NEDD4L: variants seen among roughly 807,000 people sequenced by gnomAD.
NEDD4L encodes the protein E3 ubiquitin-protein ligase NEDD4-like.
In NEDD4L, 54 loss-of-function variants were observed where a neutral mutation model predicts 148.9. The observed-to-expected ratio is 0.36, with a 90% confidence interval of 0.29 to 0.45. The LOEUF (loss-of-function observed/expected upper bound fraction) is 0.45, where lower values mean the gene tolerates loss of function less well. NEDD4L is among the 20% of genes least tolerant of loss of function. NEDD4L has a pLI of 1.00. For missense variants in NEDD4L, 856 were observed against 1,233.8 expected (o/e 0.69, Z 4.59); for synonymous variants, 433 against 440.7 (o/e 0.98, Z 0.22).
In NEDD4L at chr18:58,117,601, C is replaced by T. The variant is rs143698810; in HGVS notation, c.49-48187C>T. On this transcript the variant is annotated intron_variant, in intron 1 of 30. Transcript: ENST00000400345. Reference sequence around the variant, plus strand: ...TGTTCGAAATGTAGCAAACGTGGCTCACGGTTACCCTGACGGGGCCAGAGC... The same window carrying T: ...TGTTCGAAATGTAGCAAACGTGGCTTACGGTTACCCTGACGGGGCCAGAGC... Among the ~76,000 whole-genome samples, 231 of 152,304 alleles carry T rather than the reference C, an allele frequency of 1.5e-3. 4 individuals carry two copies. The highest frequency in any genetic ancestry group is 6.8e-3 in the Middle Eastern group (2 of 294).
At chr18:58,085,933 T>G (rs79562463) in intron 1 of NEDD4L, among the ~76,000 whole-genome samples, 11,658 of 152,280 alleles carry the variant, frequency 0.077, 544 homozygotes, top group East Asian at 0.17. Flanking sequence ...TGTAACAGAT[T>G]TTACAGCTGG....
At chr18:58,388,839 T>C (rs913127966) in intron 27 of NEDD4L, 9 of 512,570 alleles carry the variant, frequency 1.8e-5, no homozygotes, top group East Asian at 3.5e-5. Flanking sequence ...GGCATTTTTA[T>C]ATCCGATACG....
intron 2 of NEDD4L, among the ~76,000 whole-genome samples, chr18:58,206,283 G>A (rs1012350031): frequency 3.3e-5 from 5 of 152,124 alleles, no homozygotes; most frequent in African/African-American, 1.2e-4. Context: ...CAGCTACTTG[G>A]GAGGCTGAGG....
At chr18:58,379,665 G>A (rs2048069080) in intron 24 of NEDD4L, among the ~76,000 whole-genome samples, 1 of 152,148 alleles carries the variant, frequency 6.6e-6, no homozygotes, top group South Asian at 2.1e-4. Flanking sequence ...CAGTGTGGTG[G>A]GCTGGACAAT....
rs2044782194 is a variant in NEDD4L, at chr18:58,229,370, C to G, written c.123-16057C>G. 2.0e-5 allele frequency among the ~76,000 whole-genome samples: 3 copies of G among 152,234 alleles called. 1 individual carries two copies. The South Asian group carries it at 6.2e-4, about 32-fold the overall frequency. On this transcript the variant is annotated intron_variant, in intron 2 of 30. Transcript: ENST00000400345. The stretch of plus-strand genomic sequence containing the variant: ...AGTTGCTCAGGTTTCAAACTGCTGC[C>G]CCAGCATAGCAGATGGCACGGTAAC...
chr18:58,249,805 A>G (rs1016298000), intron 4 of NEDD4L, among the ~76,000 whole-genome samples: 1 of 152,226 alleles, frequency 6.6e-6, no homozygotes, highest in Non-Finnish European at 1.5e-5. Flanking sequence ...TTGGGCTACT[A>G]CATACAGCAT....
intron 2 of NEDD4L, among the ~76,000 whole-genome samples, chr18:58,185,822 A>C (rs1183438793): frequency 6.6e-6 from 1 of 152,132 alleles, no homozygotes; most frequent in Non-Finnish European, 1.5e-5. Context: ...GCAGTGAGCC[A>C]AGATCGCGCC....
chr18:58,349,178 T>A (rs1379353577), intron 16 of NEDD4L, among the ~76,000 whole-genome samples: 1 of 152,170 alleles, frequency 6.6e-6, no homozygotes, highest in Non-Finnish European at 1.5e-5. Context: ...TTCGAAACCG[T>A]TGTCCCCACT....
intron 5 of NEDD4L, among the ~76,000 whole-genome samples, chr18:58,263,676 T>TTC (rs1568510733): frequency 2.1e-5 from 3 of 145,048 alleles, no homozygotes; most frequent in Non-Finnish European, 4.6e-5. Context: ...TTTTTTTTTT[T>TTC]TTCTCTCTCT....
At chr18:58,113,865 A>G (rs904727757) in intron 1 of NEDD4L, among the ~76,000 whole-genome samples, 3 of 152,030 alleles carry the variant, frequency 2.0e-5, no homozygotes, top group African/African-American at 4.8e-5. Flanking sequence ...GGGACAAGTT[A>G]TGAACTGAGA....
intron 22 of NEDD4L, among the ~76,000 whole-genome samples, chr18:58,369,802 G>T (rs1378818190): frequency 6.6e-6 from 1 of 152,206 alleles, no homozygotes; most frequent in East Asian, 1.9e-4. Flanking sequence ...CCTCCCTGAG[G>T]CCTCTGCCGT....
chr18:58,337,677 A>G (rs2041943341), intron 13 of NEDD4L, among the ~76,000 whole-genome samples: 2 of 152,004 alleles, frequency 1.3e-5, no homozygotes, highest in Admixed American at 1.3e-4. Flanking sequence ...CATAATATTC[A>G]CTGACGTAAA....
intron 5 of NEDD4L, among the ~76,000 whole-genome samples, chr18:58,270,354 C>T (rs1407248403): frequency 6.6e-6 from 1 of 152,232 alleles, no homozygotes; most frequent in African/African-American, 2.4e-5. Flanking sequence ...GCCTGGACAT[C>T]AGGTGGCCTG....
At chr18:58,178,101 C>T (rs2038387485) in intron 2 of NEDD4L, among the ~76,000 whole-genome samples, 1 of 152,184 alleles carries the variant, frequency 6.6e-6, no homozygotes, top group South Asian at 2.1e-4. Flanking sequence ...GGTCCACGGG[C>T]TGCAGTCTGC....
chr18:58,274,798 C>T (rs1299200806), intron 5 of NEDD4L, among the ~76,000 whole-genome samples: 1 of 152,200 alleles, frequency 6.6e-6, no homozygotes, highest in Admixed American at 6.5e-5. Context: ...TAGTGAATTT[C>T]ACATCAGATA....
chr18:58,365,426 G>A (rs1198210433), intron 20 of NEDD4L, among the ~76,000 whole-genome samples: 1 of 152,192 alleles, frequency 6.6e-6, no homozygotes, highest in Non-Finnish European at 1.5e-5. Flanking sequence ...GGAGGCAGTT[G>A]CCACAACCTT....
intron 1 of NEDD4L, among the ~76,000 whole-genome samples, chr18:58,158,814 T>C (rs1022876900): frequency 1.3e-5 from 2 of 152,152 alleles, no homozygotes; most frequent in Admixed American, 6.5e-5. Flanking sequence ...ATTTCCACCC[T>C]GGGTCTTTGT....
intron 2 of NEDD4L, among the ~76,000 whole-genome samples, chr18:58,228,858 C>A (rs189030780): frequency 6.6e-6 from 1 of 152,208 alleles, no homozygotes; most frequent in Non-Finnish European, 1.5e-5. Flanking sequence ...CCCATGCACT[C>A]TTCCACACTT....
intron 4 of NEDD4L, among the ~76,000 whole-genome samples, chr18:58,250,956 G>T (rs2047851867): frequency 6.6e-6 from 1 of 152,198 alleles, no homozygotes; most frequent in Admixed American, 6.5e-5. Flanking sequence ...GAAGCAAAAA[G>T]ATATGGAAAG....
Sources: allele counts gnomAD v4.1 joint callset (sites outside exome capture counted in the v4.1 genomes callset), GRCh38; gene constraint gnomAD v4.1.1; transcripts MANE v1.5; gene names NCBI Gene and HGNC (gene_info 2026-07-23, HGNC 2026-07-21).